CXCL14: variants seen among roughly 807,000 people sequenced by gnomAD.
CXCL14 encodes the protein C-X-C motif chemokine ligand 14.
CXCL14 carries 9 observed loss-of-function variants against 16.1 expected under a neutral mutation model. The observed-to-expected ratio is 0.56, with a 90% confidence interval of 0.34 to 0.97. The LOEUF is 0.97. CXCL14 is among the 50% of genes least tolerant of loss of function. CXCL14 has a pLI of 0.02. For synonymous variants in CXCL14, 55 were observed against 52.8 expected, an observed-to-expected ratio of 1.04 and a Z score of -0.18; for missense variants, 111 against 132.5, an observed-to-expected ratio of 0.84 and a Z score of 0.80.
rs1186181427 is a variant in CXCL14, at chr5:135,576,757, C to A, written c.170+1677G>T. The stretch of plus-strand genomic sequence containing the variant: ...CCCCCCGCCCCTACTCCTGCCCCCA[C>A]CCCCAGCCTCAGCAGAGATTTCTGG... On this transcript the variant is annotated intron_variant, in intron 2 of 3. Coordinates refer to ENST00000512158, the MANE Select transcript of CXCL14 (RefSeq NM_004887.5). Among the ~76,000 whole-genome samples the A allele has an allele frequency of 2.0e-5, 3 of 151,732 alleles. No homozygotes were observed. The East Asian group carries it at 5.8e-4, about 30-fold the overall frequency.
intron 3 of CXCL14, among the ~76,000 whole-genome samples, chr5:135,572,783 C>T (rs896475540): frequency 1.3e-5 from 2 of 152,246 alleles, no homozygotes; most frequent in Non-Finnish European, 2.9e-5. Flanking sequence ...GGCCTGAGCC[C>T]ACCGTATACC....
chr5:135,572,271 G>A (rs762198173), intron 3 of CXCL14, among the ~76,000 whole-genome samples: 7 of 152,304 alleles, frequency 4.6e-5, no homozygotes, highest in African/African-American at 4.8e-5. Context: ...TTCTTTCCGC[G>A]TCTGTACTCA....
intron 2 of CXCL14, among the ~76,000 whole-genome samples, chr5:135,577,315 C>G (rs1751117918): frequency 6.6e-6 from 1 of 152,172 alleles, no homozygotes; most frequent in Non-Finnish European, 1.5e-5. Context: ...CACTTGGCCC[C>G]CACCCAAAAG....
At chr5:135,574,243 C>T (rs1229299431) in intron 3 of CXCL14, among the ~76,000 whole-genome samples, 1 of 152,248 alleles carries the variant, frequency 6.6e-6, no homozygotes, top group African/African-American at 2.4e-5. Context: ...CCAGTGCTCA[C>T]TCTGCCATTT....
rs1257496174 is a variant in CXCL14, at chr5:135,571,741, G to C, written c.*112C>G. 2.7e-5 allele frequency: 17 copies of C among 636,436 alleles called. No individual in the cohort carries two copies. The African/African-American group carries it at 3.7e-4, about 14-fold the overall frequency. The allele number at this position is 636,436 out of a possible 1,614,324, so 39.4% of individuals were successfully genotyped here. A position where few individuals can be genotyped will look rare whatever the true frequency, so the allele number is the denominator to read the frequency against. ...TGTCTTATGCCTGTGAGAAAGAAAG[G>C]CTTTTTTTTTTTTTTTTTTTTTTTT... On this transcript the variant is annotated 3_prime_UTR_variant, in exon 4 of 4. Coordinates refer to ENST00000512158, the MANE Select transcript of CXCL14 (RefSeq NM_004887.5).
In CXCL14 at chr5:135,578,493, G is replaced by A. The variant is rs992705085; in HGVS notation, c.111C>T (p.Ser37=). ...GCTTCATTTCCAGCTTCTTCACGTC[G>A]CTGTAGCGGATCTTGGGTCCCTTCC... The part of the protein sequence containing the change: ...CSRKGPKIRY[S]DVKKLEMKPK... The change falls in exon 2 of 4, where the codon AGC becomes AGT. Residue 37 remains serine, a synonymous_variant. Coordinates refer to ENST00000512158, the MANE Select transcript of CXCL14 (RefSeq NM_004887.5). 6.2e-7 allele frequency: 1 copy of A among 1,614,234 alleles called. No individual in the cohort carries two copies. Among genetic ancestry groups the A allele is most frequent in the South Asian group, 1.1e-5 (1 of 91,088 alleles).
chr5:135,576,737 C>T lies in CXCL14; in HGVS notation c.170+1697G>A, dbSNP rs955210167. Among the ~76,000 whole-genome samples, 23 of 151,820 alleles carry T rather than the reference C, an allele frequency of 1.5e-4. No homozygotes were observed. The East Asian group carries it at 3.5e-3, about 23-fold the overall frequency. ...CACTTGCAAAGCGGACCTCTCCCCC[C>T]GCCCCTACTCCTGCCCCCACCCCCA... is the stretch of plus-strand genomic sequence containing the variant. On this transcript the variant is annotated intron_variant, in intron 2 of 3. Transcript: ENST00000512158.
chr5:135,575,396 T>G (rs1751084287), intron 2 of CXCL14, among the ~76,000 whole-genome samples: 2 of 152,090 alleles, frequency 1.3e-5, no homozygotes, highest in African/African-American at 4.8e-5. Context: ...GAGAAGCAGG[T>G]GTTGTGCAGA....
At chr5:135,573,842 A>G (rs1366562322) in intron 3 of CXCL14, among the ~76,000 whole-genome samples, 1 of 152,028 alleles carries the variant, frequency 6.6e-6, no homozygotes, top group Non-Finnish European at 1.5e-5. Context: ...GGGAGCTAGG[A>G]ACTGGATTCT....
rs754024461 is a variant in CXCL14, at chr5:135,574,582, C to T, written c.274G>A (p.Glu92Lys). ...RFIKWYNAWN[E>K]KRRVYEE ...AGAGGCGGGGCGTACCTGCGCTTCT[C>T]GTTCCAGGCGTTGTACCACTTGATG... Residue 92 changes from glutamate to lysine, a missense_variant, in exon 3 of 4, where the codon GAG (glutamate) becomes AAG (lysine). Transcript: ENST00000512158. 8 of 1,612,560 alleles carry T rather than the reference C, an allele frequency of 5.0e-6. No homozygotes were observed. In the South Asian group the frequency reaches 5.5e-5, roughly 11 times the overall value.
Position 135,578,662 on chromosome 5 carries a change from T to A in CXCL14, c.64+53A>T, listed in dbSNP as rs1486267372. The A allele has an allele frequency of 3.2e-6, 5 of 1,567,010 alleles. No individual in the cohort carries two copies. The African/African-American group carries it at 6.8e-5, about 21-fold the overall frequency. On this transcript the variant is annotated intron_variant, in intron 1 of 3. Coordinates refer to ENST00000512158, the MANE Select transcript of CXCL14 (RefSeq NM_004887.5). ...GATGCCTAGAAATTGGCGCTTGGGT[T>A]CCCCAGGACAGGACAAGACGAGACG...
intron 2 of CXCL14, among the ~76,000 whole-genome samples, chr5:135,576,193 T>A (rs1751094424): frequency 6.6e-6 from 1 of 152,180 alleles, no homozygotes; most frequent in Non-Finnish European, 1.5e-5. Flanking sequence ...TTGACTGGAC[T>A]CCTCTGTGAC....
At chr5:135,578,690 G>T in intron 1 of CXCL14, 25 bp downstream of exon 1, 7 of 1,553,948 alleles carry the variant, frequency 4.5e-6, no homozygotes, top group Non-Finnish European at 6.1e-6. Context: ...ACGAGACGGC[G>T]ACAAGGGGAG....
At chr5:135,573,252 C>T (rs1466409547) in intron 3 of CXCL14, among the ~76,000 whole-genome samples, 1 of 152,240 alleles carries the variant, frequency 6.6e-6, no homozygotes, top group Non-Finnish European at 1.5e-5. Flanking sequence ...AGAGTGTGGA[C>T]TGCGCAGTTC....
intron 2 of CXCL14, 151 bp downstream of exon 2, chr5:135,578,283 C>T: frequency 1.5e-6 from 1 of 661,228 alleles, no homozygotes; most frequent in East Asian, 2.7e-5. Context: ...CGCCAGCGTC[C>T]TAAGGACTCT....
At chr5:135,572,336 A>G (rs1751042057) in intron 3 of CXCL14, among the ~76,000 whole-genome samples, 4 of 152,162 alleles carry the variant, frequency 2.6e-5, no homozygotes, top group Admixed American at 1.3e-4. Context: ...TACTTGACTT[A>G]GGCTTGTATA....
In CXCL14 at chr5:135,571,433, A is replaced by G. The variant is rs1751025244; in HGVS notation, c.*420T>C. Reference sequence around the variant, plus strand: ...CAGGACCTCTAAGCGGAAGCTTCCCAAGCTAGGAATGGAGCAACACTGCAA... The same window carrying G: ...CAGGACCTCTAAGCGGAAGCTTCCCGAGCTAGGAATGGAGCAACACTGCAA... On this transcript the variant is annotated 3_prime_UTR_variant, in exon 4 of 4. Transcript: ENST00000512158. 1 of 166,628 alleles carries G rather than the reference A, an allele frequency of 6.0e-6. No homozygotes were observed. The highest frequency in any genetic ancestry group is 1.3e-5 in the Non-Finnish European group (1 of 78,192). The allele number at this position is 166,628 out of a possible 1,614,324, so 10.3% of individuals were successfully genotyped here.
At position 135,578,519 on chromosome 5, in the gene CXCL14, G is replaced by C; in HGVS notation, c.85C>G (p.Arg29Gly). The C allele has an allele frequency of 6.2e-7, 1 of 1,614,162 alleles. No homozygotes were observed. Among genetic ancestry groups the C allele is most frequent in the African/African-American group, 1.3e-5 (1 of 75,054 alleles). The change falls in exon 2 of 4, where the codon CGG (arginine) becomes GGG (glycine). Residue 29 changes from arginine to glycine, a missense_variant. Transcript: ENST00000512158. ...CTGTAGCGGATCTTGGGTCCCTTCC[G>C]GGAGCACTTGCATTTGGACCCTGCG... The part of the protein sequence containing the change: ...RVDGSKCKCS[R>G]KGPKIRYSDV...
At chr5:135,577,371 A>G (rs981736111) in intron 2 of CXCL14, among the ~76,000 whole-genome samples, 16 of 152,218 alleles carry the variant, frequency 1.1e-4, no homozygotes, top group African/African-American at 3.9e-4. Context: ...GGCAAGGGGT[A>G]GGGACAAGCA....
Sources: allele counts gnomAD v4.1 joint callset (sites outside exome capture counted in the v4.1 genomes callset), GRCh38; gene constraint gnomAD v4.1.1; transcripts MANE v1.5; gene names NCBI Gene and HGNC (gene_info 2026-07-23, HGNC 2026-07-21).